BACH2: variants seen among roughly 807,000 people sequenced by gnomAD.
BACH2 encodes transcription regulator protein BACH2.
Under a neutral mutation model 61.8 loss-of-function variants are expected in BACH2, and 5 were observed. The observed-to-expected ratio is 0.08, with a 90% CI of 0.04 to 0.17. The LOEUF (loss-of-function observed/expected upper bound fraction) is 0.17, where lower values mean the gene tolerates loss of function less well. Among genes scored for constraint, BACH2 ranks in the 10% least tolerant of loss-of-function variants. BACH2 has a pLI of 1.00. For synonymous variants in BACH2, 446 were observed against 440.1 expected, an observed-to-expected ratio of 1.01 and a Z score of -0.17; for missense variants, 824 against 1,091.1, an observed-to-expected ratio of 0.76 and a Z score of 3.45.
intron 5 of BACH2, among the ~76,000 whole-genome samples, chr6:90,026,955 C>A (rs1187327610): frequency 8.5e-5 from 13 of 152,154 alleles, no homozygotes; most frequent in Admixed American, 8.5e-4. Flanking sequence ...CAAAGGCAGG[C>A]AGCATCTAAT....
chr6:90,147,061 G>A lies in BACH2; in HGVS notation c.-161-57952C>T, dbSNP rs561929068. 4.6e-5 allele frequency among the ~76,000 whole-genome samples: 7 copies of A among 151,968 alleles called. No homozygotes were observed. The South Asian group carries it at 1.3e-3, about 27-fold the overall frequency. On this transcript the variant is annotated intron_variant, in intron 4 of 8. Transcript: ENST00000257749. ...GAAAGGGTAGAATATGGCAGAAACA[G>A]TAAGTACCAAACCCAGCAAAAAGAG...
intron 3 of BACH2, among the ~76,000 whole-genome samples, chr6:90,240,617 C>A (rs1770418550): frequency 6.6e-6 from 1 of 152,160 alleles, no homozygotes; most frequent in African/African-American, 2.4e-5. Context: ...ACTTCAAAAT[C>A]TTAAATATTC....
intron 6 of BACH2, among the ~76,000 whole-genome samples, chr6:90,007,870 C>T (rs1463948488): frequency 6.6e-6 from 1 of 152,118 alleles, no homozygotes; most frequent in African/African-American, 2.4e-5. Flanking sequence ...TATCCTTAGT[C>T]CCATAGGAAT....
At chr6:90,191,865 T>C (rs1010451327) in intron 4 of BACH2, among the ~76,000 whole-genome samples, 1 of 152,232 alleles carries the variant, frequency 6.6e-6, no homozygotes, top group African/African-American at 2.4e-5. Flanking sequence ...AAAATCTGAA[T>C]TCATAATATC....
intron 4 of BACH2, among the ~76,000 whole-genome samples, chr6:90,145,127 C>T (rs187455776): frequency 6.6e-6 from 1 of 151,958 alleles, no homozygotes; most frequent in Non-Finnish European, 1.5e-5. Context: ...AAATCAGACA[C>T]TGTATGTGGG....
intron 4 of BACH2, among the ~76,000 whole-genome samples, chr6:90,126,847 T>G (rs2127821825): frequency 6.6e-6 from 1 of 152,288 alleles, no homozygotes; most frequent in East Asian, 1.9e-4. Flanking sequence ...TCCTCCAGTC[T>G]CACTGAAAAT....
chr6:89,968,311 C>T (rs773169142), intron 6 of BACH2, among the ~76,000 whole-genome samples: 6 of 152,190 alleles, frequency 3.9e-5, no homozygotes, highest in Non-Finnish European at 7.3e-5. Flanking sequence ...GGCTGTTTTG[C>T]GTTGTTATCT....
At chr6:90,263,453 C>A (rs912970517) in intron 2 of BACH2, among the ~76,000 whole-genome samples, 2 of 152,208 alleles carry the variant, frequency 1.3e-5, no homozygotes, top group African/African-American at 4.8e-5. Context: ...AAGAAGGAGG[C>A]TTTCAGGGAA....
intron 4 of BACH2, among the ~76,000 whole-genome samples, chr6:90,146,429 T>C (rs1227817781): frequency 2.0e-5 from 3 of 152,258 alleles, no homozygotes; most frequent in Admixed American, 1.3e-4. Context: ...CCAAAGTTGA[T>C]TATTCTATAC....
At chr6:90,287,996 C>T (rs1772071955) in intron 1 of BACH2, among the ~76,000 whole-genome samples, 2 of 152,170 alleles carry the variant, frequency 1.3e-5, no homozygotes, top group African/African-American at 4.8e-5. Context: ...GGGGAACTGG[C>T]TGCAAACCGT....
intron 4 of BACH2, among the ~76,000 whole-genome samples, chr6:90,123,087 G>A (rs1469740785): frequency 6.6e-6 from 1 of 152,172 alleles, no homozygotes; most frequent in South Asian, 2.1e-4. Flanking sequence ...AAGGACCTTC[G>A]CAGATGTAAT....
intron 6 of BACH2, 179 bp from the exon 7 acceptor site, chr6:89,952,041 C>CTCCATCACA (rs1774160815): frequency 2.9e-6 from 2 of 696,316 alleles, no homozygotes; most frequent in East Asian, 5.5e-5. Flanking sequence ...TAGTGCCTGT[C>CTCCATCACA]TCGTGCATGC....
intron 4 of BACH2, among the ~76,000 whole-genome samples, chr6:90,204,810 C>CA (rs1208490951): frequency 6.6e-6 from 1 of 152,202 alleles, no homozygotes; most frequent in Non-Finnish European, 1.5e-5. Flanking sequence ...TGGGGCAGAA[C>CA]ACCTGCCTAC....
rs1011302799 is a variant in BACH2 at position 89,927,743 on chromosome 6, G to A, written c.*4665C>T. The A allele has an allele frequency of 6.5e-6, 1 of 152,772 alleles. No homozygotes were observed. Among genetic ancestry groups the A allele is most frequent in the African/African-American group, 2.4e-5 (1 of 41,448 alleles). The allele number at this position is 152,772 out of a possible 1,614,324, so 9.5% of individuals were successfully genotyped here. ...CATTTGATAGAAATATCATCTCCCA[G>A]GGTGGAGTGTAGGAAAATACTATAA... On this transcript the variant is annotated 3_prime_UTR_variant, in exon 9 of 9. Coordinates refer to ENST00000257749, the MANE Select transcript of BACH2 (RefSeq NM_021813.4).
intron 5 of BACH2, among the ~76,000 whole-genome samples, chr6:90,078,502 A>T (rs3900190): frequency 0.011 from 1,672 of 152,268 alleles, 107 homozygotes; most frequent in Admixed American, 0.1. Flanking sequence ...TTCTTCTGAA[A>T]CACTGAACCA....
At chr6:90,079,065 T>C (rs1582322411) in intron 5 of BACH2, among the ~76,000 whole-genome samples, 4 of 152,198 alleles carry the variant, frequency 2.6e-5, no homozygotes, top group African/African-American at 9.6e-5. Context: ...GCACCATCAA[T>C]GGGATTGCGA....
intron 6 of BACH2, among the ~76,000 whole-genome samples, chr6:89,978,633 T>TAAA (rs753724278): frequency 0.14 from 11,523 of 85,274 alleles, 794 homozygotes; most frequent in Non-Finnish European, 0.2. Context: ...GTGTTGGCTT[T>TAAA]AAAAAAAAAA....
chr6:90,290,782 G>A (rs1772154699), intron 1 of BACH2, among the ~76,000 whole-genome samples: 1 of 152,166 alleles, frequency 6.6e-6, no homozygotes, highest in Non-Finnish European at 1.5e-5. Flanking sequence ...AAAGTGACAG[G>A]GGAGGGAGAA....
intron 5 of BACH2, among the ~76,000 whole-genome samples, chr6:90,042,037 T>C (rs1236073039): frequency 6.6e-6 from 1 of 152,216 alleles, no homozygotes. Flanking sequence ...CTGCAGCTCC[T>C]GGATTCTGCT....
Sources: gnomAD v4.1 joint callset for allele counts (sites outside exome capture counted in the v4.1 genomes callset) on GRCh38, gnomAD v4.1.1 for gene constraint, MANE v1.5 for transcripts, NCBI Gene and HGNC (gene_info 2026-07-23, HGNC 2026-07-21) for gene names.